Variants in FMNL3 observed in about 807,000 individuals in gnomAD.
FMNL3 encodes the protein formin like 3.
FMNL3 carries 57 observed loss-of-function variants against 119.6 expected under a neutral mutation model. That is an observed-to-expected ratio of 0.48 (90% confidence interval 0.39 to 0.59). The LOEUF is 0.59. FMNL3 is among the 20% of genes least tolerant of loss of function. The pLI is 0.00. For missense variants in FMNL3, 1,053 were observed against 1,323.5 expected (o/e 0.80, Z 3.17); for synonymous variants, 491 against 507.3 (o/e 0.97, Z 0.43).
intron 1 of FMNL3, among the ~76,000 whole-genome samples, chr12:49,687,810 T>G (rs1470440619): frequency 6.6e-6 from 1 of 152,204 alleles, no homozygotes; most frequent in Non-Finnish European, 1.5e-5. Context: ...GACTGAATAA[T>G]GCCTACTTTC....
rs138777615 is a variant in FMNL3 at position 49,686,434 on chromosome 12, T to C, written c.127-17880A>G. On this transcript the variant is annotated intron_variant, in intron 1 of 25. Coordinates refer to ENST00000335154, the MANE Select transcript of FMNL3 (RefSeq NM_175736.5). Reference sequence around the variant, plus strand: ...GTCTCTACTAAAAATACAAAAAAATTAGGCGTGGTGGCGGGCGCCTGTAGT... The same window carrying C: ...GTCTCTACTAAAAATACAAAAAAATCAGGCGTGGTGGCGGGCGCCTGTAGT... Among the ~76,000 whole-genome samples, 1,148 of 150,524 alleles carry C rather than the reference T, an allele frequency of 7.6e-3. 14 individuals carry two copies. The highest frequency in any genetic ancestry group is 0.026 in the African/African-American group (1,061 of 40,966).
rs758231464 is a variant in FMNL3, at chr12:49,651,220, T to C, written c.1745A>G (p.Asn582Ser). The change falls in exon 16 of 26, where the codon AAC (asparagine) becomes AGC (serine). Residue 582 changes from asparagine (N) to serine (S), a missense_variant. Asn to Ser is a conservative substitution (Grantham distance 46, BLOSUM62 1). Coordinates refer to ENST00000335154, the MANE Select transcript of FMNL3 (RefSeq NM_175736.5). ...GCTGAAGACAGTGCCACTGATCTGG[T>C]TGGGTTTCAGTGCTGTCCAGTTGAA... is the stretch of plus-strand genomic sequence containing the variant. ...PVFNWTALKP[N>S]QISGTVFSEL... The C allele has an allele frequency of 5.6e-6, 9 of 1,613,756 alleles. No homozygotes were observed. Among genetic ancestry groups the C allele is most frequent in the African/African-American group, 2.7e-5 (2 of 74,904 alleles).
chr12:49,650,864 A>C lies in FMNL3; in HGVS notation c.1812T>G (p.Asp604Glu). ...TTGTCTTGAATAATTCTTCAAACTT[A>C]TCAAGATCCAGGTCCTGGCAGGAAT... ...DEKILEDLDL[D>E]KFEELFKTKA... Residue 604 changes from aspartate (D) to glutamate (E), a missense_variant, in exon 17 of 26, where the codon GAT becomes GAG. By Grantham distance (45) the Asp-to-Glu change is conservative (BLOSUM62 2). This residue lies in a region of FMNL3 where 445 missense variants were observed against 628.4 expected (regional missense o/e 0.71). Transcript: ENST00000335154. 6.2e-7 allele frequency: 1 copy of C among 1,614,166 alleles called. No individual in the cohort carries two copies. Among genetic ancestry groups the C allele is most frequent in the Admixed American group, 1.7e-5 (1 of 60,024 alleles).
At chr12:49,706,908 G>A (rs1945063410) in intron 1 of FMNL3, 147 bp downstream of exon 1, 1 of 979,422 alleles carries the variant, frequency 1.0e-6, no homozygotes, top group Non-Finnish European at 1.5e-6. Context: ...GCTGCTCAGA[G>A]GTTCCTGGGA....
intron 2 of FMNL3, 65 bp downstream of exon 2, chr12:49,668,406 C>T: frequency 6.6e-7 from 1 of 1,512,144 alleles, no homozygotes; most frequent in Non-Finnish European, 9.2e-7. Context: ...ATGCCTTTGG[C>T]CCCACAGCCT....
chr12:49,693,836 C>A (rs577279201), intron 1 of FMNL3, among the ~76,000 whole-genome samples: 1 of 150,902 alleles, frequency 6.6e-6, no homozygotes, highest in African/African-American at 2.4e-5. Flanking sequence ...TTAGTAGAGG[C>A]GGGGTTTCTC....
intron 1 of FMNL3, among the ~76,000 whole-genome samples, chr12:49,694,362 G>C (rs1265370057): frequency 6.6e-5 from 10 of 152,172 alleles, no homozygotes; most frequent in Non-Finnish European, 8.8e-5. Flanking sequence ...TGGACAATCA[G>C]GCTCTTCCCC....
intron 4 of FMNL3, 38 bp downstream of exon 4, chr12:49,665,794 G>T: frequency 6.2e-7 from 1 of 1,603,434 alleles, no homozygotes; most frequent in Admixed American, 1.7e-5. Flanking sequence ...CAGCAGCCTG[G>T]GGCCAGATGA....
chr12:49,648,126 T>C (rs534602454), intron 22 of FMNL3, 67 bp downstream of exon 22: 2 of 1,491,132 alleles, frequency 1.3e-6, no homozygotes, highest in East Asian at 2.3e-5. Flanking sequence ...AAAATAGAAC[T>C]AGGGCCACCT....
Position 49,637,766 on chromosome 12 carries a change from TGGA to T in FMNL3, c.*8046_*8048del. 1.2e-6 allele frequency: 2 copies of T among 1,609,376 alleles called. No individual in the cohort carries two copies. Among genetic ancestry groups the T allele is most frequent in the Non-Finnish European group, 1.7e-6 (2 of 1,176,800 alleles). On this transcript the variant is annotated 3_prime_UTR_variant, in exon 26 of 26. Transcript: ENST00000335154. ...CCTCTGGACTTATTCAAGTTCTATG[TGGA>T]GGAGTTGAAGGCACGATTCCATGAT...
rs1943259241 is a variant in FMNL3, at chr12:49,647,878, C to A, written c.2677-74G>T. On this transcript the variant is annotated intron_variant, in intron 22 of 25. Coordinates refer to ENST00000335154, the MANE Select transcript of FMNL3 (RefSeq NM_175736.5). This position sits in a 1 kb window ranked among gnomAD's most constrained non-coding sequence, Gnocchi z 4.9. ...CAGCTCCCACACCACGGATGAGAGG[C>A]CTGCAGAAAGCAGAGCCCAGGGCCA... 2 of 1,240,572 alleles carry A rather than the reference C, an allele frequency of 1.6e-6. No individual in the cohort carries two copies. Among genetic ancestry groups the A allele is most frequent in the Non-Finnish European group, 2.3e-6 (2 of 854,682 alleles). 76.8% of individuals were successfully genotyped at this position (1,240,572 alleles called of 1,614,324 possible).
chr12:49,669,175 T>A (rs1943973494), intron 1 of FMNL3, among the ~76,000 whole-genome samples: 1 of 152,236 alleles, frequency 6.6e-6, no homozygotes, highest in Non-Finnish European at 1.5e-5. Flanking sequence ...ACTGCTTAAA[T>A]TTTTTTGGAA....
rs1592612603 is a variant in FMNL3 at position 49,640,504 on chromosome 12, T to G, written c.*5311A>C. On this transcript the variant is annotated 3_prime_UTR_variant, in exon 26 of 26. Coordinates refer to ENST00000335154, the MANE Select transcript of FMNL3 (RefSeq NM_175736.5). ...TGAGTGAGGACAAAGAAGGCGGCCT[T>G]GGATTTGGCTAGTAGACACAAGCAA... is the stretch of plus-strand genomic sequence containing the variant. The G allele has an allele frequency of 6.6e-6, 1 of 152,332 alleles. No individual in the cohort carries two copies. The highest frequency in any genetic ancestry group is 1.9e-4 in the East Asian group (1 of 5,190). The allele number at this position is 152,332 out of a possible 1,614,324, so 9.4% of individuals were successfully genotyped here.
chr12:49,647,636 C>T lies in FMNL3; in HGVS notation c.2778+67G>A. On this transcript the variant is annotated intron_variant, in intron 23 of 25. Coordinates refer to ENST00000335154, the MANE Select transcript of FMNL3 (RefSeq NM_175736.5). This position sits in a 1 kb window ranked among gnomAD's most constrained non-coding sequence, Gnocchi z 4.9. Reference sequence around the variant, plus strand: ...AGTCGGAAAAGGCCCATACTTTAAGCCCAGGCTTCTCTCCCCCAGCCAGTT... The same window carrying T: ...AGTCGGAAAAGGCCCATACTTTAAGTCCAGGCTTCTCTCCCCCAGCCAGTT... 3 of 1,423,648 alleles carry T rather than the reference C, an allele frequency of 2.1e-6. No homozygotes were observed. The highest frequency in any genetic ancestry group is 1.4e-5 in the African/African-American group (1 of 71,028). The allele number at this position is 1,423,648 out of a possible 1,614,324, so 88.2% of individuals were successfully genotyped here. A position where few individuals can be genotyped will look rare whatever the true frequency, so the allele number is the denominator to read the frequency against.
At chr12:49,685,943 T>G (rs1944445981) in intron 1 of FMNL3, among the ~76,000 whole-genome samples, 1 of 152,050 alleles carries the variant, frequency 6.6e-6, no homozygotes. Context: ...GGCGGGCGCC[T>G]GTAATCCCAG....
intron 1 of FMNL3, among the ~76,000 whole-genome samples, chr12:49,703,735 T>G (rs1362464173): frequency 6.6e-6 from 1 of 152,154 alleles, no homozygotes; most frequent in Non-Finnish European, 1.5e-5. Context: ...CATCAAATCT[T>G]CTCATAGCCC....
At position 49,642,901 on chromosome 12, in the gene FMNL3, C is replaced by T; in HGVS notation, c.*2914G>A. On this transcript the variant is annotated 3_prime_UTR_variant, in exon 26 of 26. Coordinates refer to ENST00000335154, the MANE Select transcript of FMNL3 (RefSeq NM_175736.5). This position sits in a 1 kb window ranked among gnomAD's most constrained non-coding sequence, Gnocchi z 5.8. Reference sequence around the variant, plus strand: ...TTCCTGGGGCTAAGTCTGGTGCTGTCCTCACCCTTCTTCCTCTGCCTCTAG... The same window carrying T: ...TTCCTGGGGCTAAGTCTGGTGCTGTTCTCACCCTTCTTCCTCTGCCTCTAG... 6.2e-7 allele frequency: 1 copy of T among 1,600,464 alleles called. No individual in the cohort carries two copies. The highest frequency in any genetic ancestry group is 1.7e-4 in the Middle Eastern group (1 of 6,048).
chr12:49,637,691 G>A lies in FMNL3; in HGVS notation c.*8124C>T. ...CCTCGGCCCAGCCCCCAGGCCTTGG[G>A]AAGCTGCCGCCCGCCAGGCCCCCCT... On this transcript the variant is annotated 3_prime_UTR_variant, in exon 26 of 26. Transcript: ENST00000335154. 6.6e-7 allele frequency: 1 copy of A among 1,508,620 alleles called. No individual in the cohort carries two copies. Among genetic ancestry groups the A allele is most frequent in the South Asian group, 1.2e-5 (1 of 85,428 alleles). The allele number at this position is 1,508,620 out of a possible 1,614,324, so 93.5% of individuals were successfully genotyped here.
rs1304980635 is a variant in FMNL3 at position 49,638,011 on chromosome 12, G to C, written c.*7804C>G. On this transcript the variant is annotated 3_prime_UTR_variant, in exon 26 of 26. Coordinates refer to ENST00000335154, the MANE Select transcript of FMNL3 (RefSeq NM_175736.5). ...ACAATTTCTACCACAGGAGCTCATGGTCTAATAGGAAGATATACATGAGAA... is the reference window on the plus strand; with the variant it reads ...ACAATTTCTACCACAGGAGCTCATGCTCTAATAGGAAGATATACATGAGAA... The C allele has an allele frequency of 1.7e-6, 1 of 587,482 alleles. No individual in the cohort carries two copies. The highest frequency in any genetic ancestry group is 2.8e-5 in the East Asian group (1 of 35,478). 36.4% of individuals were successfully genotyped at this position (587,482 alleles called of 1,614,324 possible).
Sources: allele counts gnomAD v4.1 joint callset (sites outside exome capture counted in the v4.1 genomes callset), GRCh38; gene constraint gnomAD v4.1.1; regional missense constraint gnomAD v4.1.1; non-coding constraint Gnocchi (gnomAD v3.1); transcripts MANE v1.5; gene names NCBI Gene and HGNC (gene_info 2026-07-23, HGNC 2026-07-21).